NUMB: variants seen among roughly 807,000 people sequenced by gnomAD.
The protein encoded by NUMB is protein numb homolog.
In NUMB, 29 loss-of-function variants were observed where a neutral mutation model predicts 59.7. That is an observed-to-expected ratio of 0.49 (90% confidence interval 0.36 to 0.66). The LOEUF (loss-of-function observed/expected upper bound fraction) is 0.66, where lower values mean the gene tolerates loss of function less well. NUMB is among the 30% of genes least tolerant of loss of function. The pLI, the probability that NUMB is intolerant of heterozygous loss-of-function variation, is 0.00. For missense variants in NUMB, 723 were observed against 822.0 expected, an observed-to-expected ratio of 0.88 and a Z score of 1.47; for synonymous variants, 288 against 288.2, an observed-to-expected ratio of 1.00 and a Z score of 0.01.
intron 2 of NUMB, among the ~76,000 whole-genome samples, chr14:73,382,392 C>T (rs919213730): frequency 2.6e-5 from 4 of 151,848 alleles, no homozygotes; most frequent in African/African-American, 7.3e-5. Flanking sequence ...GGTGATCCAC[C>T]TGCCTCAGCC....
chr14:73,386,864 CTTATTT>C lies in NUMB; in HGVS notation c.-100-19889_-100-19884del, dbSNP rs1895554309. Among the ~76,000 whole-genome samples the C allele has an allele frequency of 8.1e-5, 6 of 73,806 alleles. 1 individual carries two copies. Among genetic ancestry groups the C allele is most frequent in the African/African-American group, 3.3e-4 (6 of 18,170 alleles). 48.4% of individuals were successfully genotyped at this position (73,806 alleles called of 152,430 possible). ...TAATACAAGACAATCTATCAGGTGTCTTATTTTTTTTTTTTTTTTTTTTTTTTTTTT... is the reference window on the plus strand; with the variant it reads ...TAATACAAGACAATCTATCAGGTGTCTTTTTTTTTTTTTTTTTTTTTTTTT... On this transcript the variant is annotated intron_variant, in intron 2 of 12. Coordinates refer to ENST00000555238, the MANE Select transcript of NUMB (RefSeq NM_001005743.2).
At chr14:73,291,983 C>A (rs532136165) in intron 8 of NUMB, among the ~76,000 whole-genome samples, 2 of 152,060 alleles carry the variant, frequency 1.3e-5, no homozygotes. Context: ...CGTGCCTGGC[C>A]GGTATTTCTG....
intron 2 of NUMB, among the ~76,000 whole-genome samples, chr14:73,398,415 A>AGT (rs57407662): frequency 0.015 from 1,790 of 118,828 alleles, 40 homozygotes; most frequent in African/African-American, 0.045. Flanking sequence ...AGAGAGAGAG[A>AGT]GTGTGTGTGT....
chr14:73,387,534 G>T (rs972880927), intron 2 of NUMB, among the ~76,000 whole-genome samples: 1 of 152,000 alleles, frequency 6.6e-6, no homozygotes, highest in East Asian at 1.9e-4. Flanking sequence ...GCTACCATAT[G>T]AAGGACGTGT....
intron 6 of NUMB, among the ~76,000 whole-genome samples, chr14:73,315,749 G>A (rs192423567): frequency 4.0e-5 from 6 of 151,796 alleles, no homozygotes; most frequent in East Asian, 1.9e-4. Context: ...GTGAATATTG[G>A]GCATTATGTA....
intron 6 of NUMB, among the ~76,000 whole-genome samples, chr14:73,313,080 G>A (rs558254245): frequency 4.0e-5 from 6 of 150,854 alleles, no homozygotes; most frequent in Admixed American, 1.3e-4. Context: ...TCCACCTCCC[G>A]GGTTCAAGCA....
chr14:73,320,318 G>T (rs2139916067), intron 5 of NUMB, among the ~76,000 whole-genome samples: 1 of 152,230 alleles, frequency 6.6e-6, no homozygotes, highest in South Asian at 2.1e-4. Flanking sequence ...AAGAAGTCTA[G>T]AAATGGTCAA....
chr14:73,345,920 A>C (rs1892893883), intron 4 of NUMB, among the ~76,000 whole-genome samples: 1 of 151,966 alleles, frequency 6.6e-6, no homozygotes, highest in South Asian at 2.1e-4. Context: ...AAAAAAAACC[A>C]AAAAAACAAA....
At chr14:73,326,517 C>T (rs1203935326) in intron 4 of NUMB, among the ~76,000 whole-genome samples, 1 of 151,902 alleles carries the variant, frequency 6.6e-6, no homozygotes, top group Non-Finnish European at 1.5e-5. Context: ...ATTCCAGCTC[C>T]TCGGGAGGCT....
chr14:73,387,583 C>A (rs1895608749), intron 2 of NUMB, among the ~76,000 whole-genome samples: 1 of 151,916 alleles, frequency 6.6e-6, no homozygotes, highest in Non-Finnish European at 1.5e-5. Flanking sequence ...TTTCCTGAGG[C>A]CTCCCCAGCC....
At chr14:73,288,975 C>G (rs1286893628) in intron 8 of NUMB, among the ~76,000 whole-genome samples, 3 of 151,628 alleles carry the variant, frequency 2.0e-5, no homozygotes, top group Non-Finnish European at 2.9e-5. Context: ...ACAGTAAGCT[C>G]TAATTGTGCC....
At chr14:73,386,037 G>A (rs1207562751) in intron 2 of NUMB, among the ~76,000 whole-genome samples, 3 of 152,070 alleles carry the variant, frequency 2.0e-5, no homozygotes, top group Admixed American at 1.3e-4. Flanking sequence ...TACCATGAAA[G>A]TCCTAGGAAC....
chr14:73,355,776 G>C lies in NUMB; in HGVS notation c.-15-10C>G, dbSNP rs201614414. On this transcript the variant is annotated splice_polypyrimidine_tract_variant and intron_variant, in intron 3 of 12. Coordinates refer to ENST00000555238, the MANE Select transcript of NUMB (RefSeq NM_001005743.2). ...TTTTAATTTTTACAGCCTGAAGACA[G>C]AGGAAAAAAAATATTTAAAAGAAAT... The C allele has an allele frequency of 6.1e-5, 96 of 1,579,106 alleles. No homozygotes were observed. In the East Asian group the frequency reaches 1.4e-3, roughly 24 times the overall value.
chr14:73,288,381 T>A (rs772028217), intron 8 of NUMB, among the ~76,000 whole-genome samples: 10 of 151,830 alleles, frequency 6.6e-5, no homozygotes, highest in Non-Finnish European at 2.9e-5. Context: ...CGAAACCCCG[T>A]CTCTACTAAA....
intron 1 of NUMB, among the ~76,000 whole-genome samples, chr14:73,414,405 T>C (rs1897030366): frequency 6.6e-6 from 1 of 152,146 alleles, no homozygotes; most frequent in African/African-American, 2.4e-5. Context: ...GCAGGGGTGT[T>C]TGTTTTGAGA....
chr14:73,385,123 G>A (rs188905027), intron 2 of NUMB, among the ~76,000 whole-genome samples: 5 of 151,754 alleles, frequency 3.3e-5, no homozygotes, highest in Admixed American at 1.3e-4. Context: ...ATTAACCAGC[G>A]AGCACTTGAA....
intron 5 of NUMB, among the ~76,000 whole-genome samples, chr14:73,320,135 G>T (rs1011951647): frequency 1.1e-5 from 1 of 91,878 alleles, no homozygotes; most frequent in African/African-American, 3.4e-5. Context: ...CCGACTCGGC[G>T]GGGGGGCAAA....
chr14:73,372,334 T>A (rs916045143), intron 2 of NUMB, among the ~76,000 whole-genome samples: 2 of 92,206 alleles, frequency 2.2e-5, no homozygotes, highest in Admixed American at 1.4e-4. Flanking sequence ...TATATATATA[T>A]ATAACCTTTT....
intron 12 of NUMB, among the ~76,000 whole-genome samples, chr14:73,278,057 A>C (rs1039988869): frequency 6.7e-6 from 1 of 149,304 alleles, no homozygotes; most frequent in Non-Finnish European, 1.5e-5. Flanking sequence ...AAAAAAAAAA[A>C]AAAAAAAAAA....
Sources: gnomAD v4.1 joint callset for allele counts (sites outside exome capture counted in the v4.1 genomes callset) on GRCh38, gnomAD v4.1.1 for gene constraint, MANE v1.5 for transcripts, NCBI Gene and HGNC (gene_info 2026-07-23, HGNC 2026-07-21) for gene names.